Variants in ANKFN1 observed in about 807,000 individuals in gnomAD.
ANKFN1 encodes the protein ankyrin repeat and fibronectin type III domain containing 1, also known as ankyrin repeat and fibronectin type-III domain-containing protein 1.
ANKFN1 carries 74 observed loss-of-function variants against 108.7 expected under a neutral mutation model. The ratio of observed to expected loss-of-function variants is 0.68; its 90% CI spans 0.56 to 0.83. ANKFN1 has a LOEUF of 0.83. Ranked by LOEUF, ANKFN1 falls within the 40% of genes least tolerant of loss-of-function variation. The probability of loss-of-function intolerance (pLI) is 0.00; values close to 1 mark genes in which losing one functional copy is unlikely to be tolerated. For synonymous variants in ANKFN1, 547 were observed against 516.2 expected (o/e 1.06, Z -0.81); for missense variants, 1,505 against 1,382.3 (o/e 1.09, Z -1.41).
chr17:56,425,358 G>C (rs2048529850), intron 8 of ANKFN1, among the ~76,000 whole-genome samples: 2 of 152,150 alleles, frequency 1.3e-5, no homozygotes, highest in Non-Finnish European at 2.9e-5. Context: ...ATATATCATT[G>C]CACCAATGTC....
intron 4 of ANKFN1, among the ~76,000 whole-genome samples, chr17:56,054,791 T>G (rs1598083780): frequency 6.6e-6 from 1 of 151,938 alleles, no homozygotes; most frequent in East Asian, 1.9e-4. Context: ...GAGGCTGAGG[T>G]GGGAGGATCA....
intron 4 of ANKFN1, among the ~76,000 whole-genome samples, chr17:56,081,782 C>T (rs1039855048): frequency 6.6e-6 from 1 of 152,108 alleles, no homozygotes; most frequent in African/African-American, 2.4e-5. Flanking sequence ...AAGCACAGTG[C>T]GTTTAGGAGG....
intron 2 of ANKFN1, among the ~76,000 whole-genome samples, chr17:56,218,413 G>T (rs1915590451): frequency 6.6e-6 from 1 of 151,994 alleles, no homozygotes; most frequent in Non-Finnish European, 1.5e-5. Flanking sequence ...TCAGAATAAT[G>T]TTCAACCCTT....
intron 3 of ANKFN1, among the ~76,000 whole-genome samples, chr17:56,246,439 G>T (rs113772085): frequency 6.6e-6 from 1 of 152,042 alleles, no homozygotes; most frequent in African/African-American, 2.4e-5. Flanking sequence ...CCATTGACCC[G>T]CTTTTGTAAC....
chr17:56,110,981 A>T (rs1567789391), intron 4 of ANKFN1: 3 of 152,206 alleles, frequency 2.0e-5, no homozygotes, highest in Admixed American at 6.5e-5. Context: ...GGCAGCCTCA[A>T]GCTGGAGCCC....
chr17:56,278,747 A>T (rs774807936), intron 3 of ANKFN1, among the ~76,000 whole-genome samples: 14 of 152,260 alleles, frequency 9.2e-5, no homozygotes, highest in Non-Finnish European at 1.3e-4. Context: ...ATCTTAAAAG[A>T]TGCCTTATGA....
chr17:56,145,237 C>A (rs1244324280), intron 4 of ANKFN1, among the ~76,000 whole-genome samples: 1 of 152,224 alleles, frequency 6.6e-6, no homozygotes, highest in Non-Finnish European at 1.5e-5. Context: ...GGATCTTTCC[C>A]TGACTTCAGT....
At chr17:56,064,369 C>G (rs1014181415) in intron 4 of ANKFN1, among the ~76,000 whole-genome samples, 1 of 152,358 alleles carries the variant, frequency 6.6e-6, no homozygotes, top group East Asian at 1.9e-4. Context: ...ACTGCGGCCA[C>G]CACTCCCGCT....
intron 3 of ANKFN1, among the ~76,000 whole-genome samples, chr17:56,290,692 A>G (rs1036293506): frequency 2.0e-5 from 3 of 152,208 alleles, no homozygotes; most frequent in African/African-American, 7.2e-5. Context: ...AAGTGAAAGT[A>G]TTAAATTCTC....
At chr17:56,354,555 G>A (rs983325496) in intron 6 of ANKFN1, among the ~76,000 whole-genome samples, 5 of 152,140 alleles carry the variant, frequency 3.3e-5, no homozygotes, top group African/African-American at 1.2e-4. Context: ...CAATAAGCAA[G>A]TAAATAGATA....
chr17:56,198,565 C>A (rs1913734818), intron 1 of ANKFN1, among the ~76,000 whole-genome samples: 1 of 152,174 alleles, frequency 6.6e-6, no homozygotes, highest in Admixed American at 6.5e-5. Flanking sequence ...GGGTTGGGGA[C>A]CCCTGAGCTA....
chr17:56,130,862 A>G (rs1185417260), intron 4 of ANKFN1, among the ~76,000 whole-genome samples: 2 of 151,988 alleles, frequency 1.3e-5, no homozygotes, highest in Non-Finnish European at 2.9e-5. Context: ...CTGTATAGCA[A>G]CTTGTCAAAC....
At chr17:56,189,179 T>TTTTTTTTTTTTTTTTTTTTTTTG (rs1244013476) in intron 1 of ANKFN1, among the ~76,000 whole-genome samples, 5 of 111,378 alleles carry the variant, frequency 4.5e-5, no homozygotes, top group African/African-American at 2.5e-4. Context: ...ACTTTTTTTT[T>TTTTTTTTTTTTTTTTTTTTTTTG]TTTTTTTTTG....
chr17:56,105,701 G>GT (rs200017680), intron 4 of ANKFN1, among the ~76,000 whole-genome samples: 3,365 of 120,444 alleles, frequency 0.028, 107 homozygotes, highest in African/African-American at 0.081. Context: ...AGTTTTGGGG[G>GT]TTTTTTTGTC....
At chr17:56,081,094 C>T (rs989358491) in intron 4 of ANKFN1, among the ~76,000 whole-genome samples, 1 of 152,158 alleles carries the variant, frequency 6.6e-6, no homozygotes, top group African/African-American at 2.4e-5. Flanking sequence ...TATCTTGTTA[C>T]TAGTGGTGAA....
intron 3 of ANKFN1, among the ~76,000 whole-genome samples, chr17:56,299,123 G>A (rs2044600213): frequency 6.6e-6 from 1 of 152,204 alleles, no homozygotes; most frequent in Admixed American, 6.5e-5. Context: ...GGAAATAACA[G>A]ATTCCTTCTA....
chr17:56,321,627 A>G (rs2045370359), intron 3 of ANKFN1, among the ~76,000 whole-genome samples: 1 of 152,226 alleles, frequency 6.6e-6, no homozygotes, highest in African/African-American at 2.4e-5. Flanking sequence ...AAATATGGTC[A>G]GGATTTTGCA....
intron 3 of ANKFN1, among the ~76,000 whole-genome samples, chr17:56,270,990 T>C (rs1297691383): frequency 1.3e-5 from 2 of 152,134 alleles, no homozygotes; most frequent in East Asian, 3.8e-4. Flanking sequence ...AATTGTGCCA[T>C]TGTTTGTAAA....
At chr17:56,299,489 T>C (rs2044611826) in intron 3 of ANKFN1, among the ~76,000 whole-genome samples, 1 of 152,218 alleles carries the variant, frequency 6.6e-6, no homozygotes, top group African/African-American at 2.4e-5. Flanking sequence ...TGAATGTCTT[T>C]GGGATATTTA....
Sources: gnomAD v4.1 joint callset for allele counts (sites outside exome capture counted in the v4.1 genomes callset) on GRCh38, gnomAD v4.1.1 for gene constraint, MANE v1.5 for transcripts, NCBI Gene and HGNC (gene_info 2026-07-23, HGNC 2026-07-21) for gene names.